Variants in EBF1 observed in about 807,000 individuals in gnomAD.
EBF1 encodes transcription factor COE1.
EBF1 carries 10 observed loss-of-function variants against 68.4 expected under a neutral mutation model. The ratio of observed to expected loss-of-function variants is 0.15; its 90% CI spans 0.09 to 0.25. The LOEUF is 0.25. Among genes scored for constraint, EBF1 ranks in the 10% least tolerant of loss-of-function variants. The pLI is 1.00. For missense variants in EBF1, 509 were observed against 794.4 expected, an observed-to-expected ratio of 0.64 and a Z score of 4.32; for synonymous variants, 298 against 299.8, an observed-to-expected ratio of 0.99 and a Z score of 0.06.
At chr5:158,993,287 A>T (rs566951075) in intron 6 of EBF1, among the ~76,000 whole-genome samples, 125 of 152,156 alleles carry the variant, frequency 8.2e-4, no homozygotes, top group African/African-American at 2.9e-3. Flanking sequence ...AGCTCAGGCA[A>T]TCCACCCACC....
chr5:159,074,495 C>T (rs746661879), intron 5 of EBF1, among the ~76,000 whole-genome samples: 4 of 152,220 alleles, frequency 2.6e-5, no homozygotes, highest in Non-Finnish European at 4.4e-5. Flanking sequence ...TACACACACA[C>T]GTGTACACAG....
intron 9 of EBF1, among the ~76,000 whole-genome samples, chr5:158,793,506 T>G (rs1391780157): frequency 1.3e-5 from 2 of 152,296 alleles, no homozygotes; most frequent in Middle Eastern, 3.4e-3. Context: ...TCTTTCCTCT[T>G]TCTGTCATTC....
chr5:159,042,122 C>T (rs1185167217), intron 6 of EBF1, among the ~76,000 whole-genome samples: 6 of 152,124 alleles, frequency 3.9e-5, no homozygotes, highest in South Asian at 4.1e-4. Context: ...TTGCTGTCGG[C>T]GCCAACCCAT....
intron 8 of EBF1, among the ~76,000 whole-genome samples, chr5:158,820,972 C>A (rs528355854): frequency 1.3e-5 from 2 of 152,266 alleles, no homozygotes; most frequent in South Asian, 4.1e-4. Flanking sequence ...TAGTTACCAA[C>A]AATTAAAAAT....
rs1021033162 is a variant in EBF1 at position 158,743,939 on chromosome 5, G to A, written c.1037-12782C>T. ...CAATCCCAGCCCTTTGGGAGGCTAAGGTGGGTGGATCACTTGAGGCCAGGA... is the reference window on the plus strand; with the variant it reads ...CAATCCCAGCCCTTTGGGAGGCTAAAGTGGGTGGATCACTTGAGGCCAGGA... On this transcript the variant is annotated intron_variant, in intron 10 of 15. Transcript: ENST00000313708. 1.3e-5 allele frequency among the ~76,000 whole-genome samples: 2 copies of A among 152,172 alleles called. 1 individual carries two copies. Among genetic ancestry groups the A allele is most frequent in the Admixed American group, 1.3e-4 (2 of 15,276 alleles).
chr5:158,937,113 C>T (rs991345116), intron 6 of EBF1, among the ~76,000 whole-genome samples: 4 of 151,900 alleles, frequency 2.6e-5, no homozygotes, highest in African/African-American at 9.7e-5. Context: ...CAATGAAGTA[C>T]AGGTGCATGA....
intron 11 of EBF1, among the ~76,000 whole-genome samples, chr5:158,719,382 T>A (rs556317366): frequency 6.6e-6 from 1 of 152,186 alleles, no homozygotes; most frequent in East Asian, 1.9e-4. Flanking sequence ...CCCTTGGAAA[T>A]AGTTAGGTAT....
intron 6 of EBF1, among the ~76,000 whole-genome samples, chr5:158,944,600 G>A (rs1451567178): frequency 6.6e-6 from 1 of 152,126 alleles, no homozygotes; most frequent in Non-Finnish European, 1.5e-5. Context: ...GGGATTGCTG[G>A]GTCAAATTGT....
chr5:159,046,768 G>A (rs1772486552), intron 6 of EBF1, among the ~76,000 whole-genome samples: 1 of 152,198 alleles, frequency 6.6e-6, no homozygotes, highest in African/African-American at 2.4e-5. Flanking sequence ...TGACTGGCAG[G>A]ATCAACAGTG....
intron 6 of EBF1, among the ~76,000 whole-genome samples, chr5:158,886,215 A>G (rs1800009263): frequency 6.6e-6 from 1 of 152,250 alleles, no homozygotes; most frequent in East Asian, 1.9e-4. Context: ...AAAATGTTGC[A>G]TTGGAAAAGC....
chr5:158,863,929 G>A lies in EBF1; in HGVS notation c.555-23819C>T, dbSNP rs555463691. Among the ~76,000 whole-genome samples, 26 of 152,154 alleles carry A rather than the reference G, an allele frequency of 1.7e-4. No homozygotes were observed. The South Asian group carries it at 5.4e-3, about 32-fold the overall frequency. On this transcript the variant is annotated intron_variant, in intron 6 of 15. Transcript: ENST00000313708. ...GACTCCTCACAGAGTTACTGAGGGG[G>A]TAAATAGAATCTAACTCAGGGGCCA... is the stretch of plus-strand genomic sequence containing the variant.
intron 6 of EBF1, among the ~76,000 whole-genome samples, chr5:158,878,647 T>TA (rs1361371876): frequency 2.7e-5 from 4 of 150,304 alleles, no homozygotes; most frequent in Admixed American, 1.3e-4. Context: ...AGCCAGCCTT[T>TA]TTTTTTTTTT....
chr5:159,090,993 TA>T, intron 4 of EBF1, among the ~76,000 whole-genome samples: 1 of 152,302 alleles, frequency 6.6e-6, no homozygotes, highest in East Asian at 1.9e-4. Context: ...AATTGCTCAC[TA>T]AAACCAGATC....
intron 6 of EBF1, among the ~76,000 whole-genome samples, chr5:158,854,207 T>G (rs2128006857): frequency 6.6e-6 from 1 of 152,372 alleles, no homozygotes; most frequent in East Asian, 1.9e-4. Context: ...GTCATTTGTC[T>G]GCAAGACTAG....
intron 11 of EBF1, among the ~76,000 whole-genome samples, chr5:158,720,231 A>G (rs1399145729): frequency 1.3e-5 from 2 of 152,090 alleles, no homozygotes; most frequent in African/African-American, 4.8e-5. Flanking sequence ...CAGCTCCTAG[A>G]CTTTAAGTCC....
intron 6 of EBF1, among the ~76,000 whole-genome samples, chr5:159,036,359 C>A (rs1230492014): frequency 6.6e-6 from 1 of 151,350 alleles, no homozygotes; most frequent in African/African-American, 2.4e-5. Flanking sequence ...CAATCCTAAG[C>A]CAAAAGAACA....
chr5:158,789,703 A>C lies in EBF1; in HGVS notation c.909+6642T>G, dbSNP rs143611677. ...ATAAGAAACTATACTTGACTGAAAA[A>C]AGGTTTCTCAAGGCCCTTAAAATGT... is the stretch of plus-strand genomic sequence containing the variant. On this transcript the variant is annotated intron_variant, in intron 9 of 15. Transcript: ENST00000313708. 2.6e-3 allele frequency among the ~76,000 whole-genome samples: 392 copies of C among 152,306 alleles called. 2 individuals carry two copies. Among genetic ancestry groups the C allele is most frequent in the African/African-American group, 9.1e-3 (380 of 41,572 alleles).
At chr5:158,934,221 A>T (rs771474299) in intron 6 of EBF1, among the ~76,000 whole-genome samples, 1 of 152,180 alleles carries the variant, frequency 6.6e-6, no homozygotes, top group Non-Finnish European at 1.5e-5. Context: ...CTTTAGAACC[A>T]TGTGTCATTT....
Position 158,917,392 on chromosome 5 carries a change from A to G in EBF1, c.555-77282T>C, listed in dbSNP as rs560861401. Among the ~76,000 whole-genome samples, 41 of 152,130 alleles carry G rather than the reference A, an allele frequency of 2.7e-4. No individual in the cohort carries two copies. The South Asian group carries it at 8.1e-3, about 30-fold the overall frequency. ...GAGGATTTCTTTGTTTTTCCCTATA[A>G]CCTACCCCCATCTGTAAACCTCCAA... On this transcript the variant is annotated intron_variant, in intron 6 of 15. Transcript: ENST00000313708.
Sources: gnomAD v4.1 joint callset for allele counts (sites outside exome capture counted in the v4.1 genomes callset) on GRCh38, gnomAD v4.1.1 for gene constraint, MANE v1.5 for transcripts, NCBI Gene and HGNC (gene_info 2026-07-23, HGNC 2026-07-21) for gene names.